The following RPS6KA5 variants were observed in gnomAD, a reference collection of about 807,000 sequenced individuals.
RPS6KA5 encodes the protein ribosomal protein S6 kinase A5.
A neutral mutation model predicts 85.5 loss-of-function variants in RPS6KA5; 27 were observed. The ratio of observed to expected loss-of-function variants is 0.32; its 90% CI spans 0.23 to 0.44. The LOEUF (loss-of-function observed/expected upper bound fraction) is 0.44, where lower values mean the gene tolerates loss of function less well. RPS6KA5 is among the 20% of genes least tolerant of loss of function. RPS6KA5 has a pLI of 1.00. For synonymous variants in RPS6KA5, 334 were observed against 348.2 expected (o/e 0.96, Z 0.46); for missense variants, 811 against 980.9 (o/e 0.83, Z 2.31).
chr14:90,945,878 C>A (rs1286770676), intron 4 of RPS6KA5, among the ~76,000 whole-genome samples: 1 of 152,076 alleles, frequency 6.6e-6, no homozygotes, highest in East Asian at 1.9e-4. Flanking sequence ...TGGCACGTTC[C>A]TGTGGTCCCA....
At position 90,906,139 on chromosome 14, in the gene RPS6KA5, A is replaced by T. The variant is rs2035488421; in HGVS notation, c.957+10T>A. ...GAGTATGAAACCATTTATCTATTCAATAATTTCACCTGAAAGAAGAGATGT... is the reference window on the plus strand; with the variant it reads ...GAGTATGAAACCATTTATCTATTCATTAATTTCACCTGAAAGAAGAGATGT... On this transcript the variant is annotated intron_variant, in intron 8 of 16. Coordinates refer to ENST00000614987, the MANE Select transcript of RPS6KA5 (RefSeq NM_004755.4). 1 of 1,586,586 alleles carries T rather than the reference A, an allele frequency of 6.3e-7. No individual in the cohort carries two copies.
chr14:90,950,055 T>C (rs945728036), intron 3 of RPS6KA5, among the ~76,000 whole-genome samples: 8 of 152,248 alleles, frequency 5.3e-5, no homozygotes, highest in African/African-American at 1.9e-4. Flanking sequence ...ATAGCTGCCT[T>C]GAATCCACGA....
At chr14:90,935,863 C>A (rs928673117) in intron 5 of RPS6KA5, among the ~76,000 whole-genome samples, 4 of 152,182 alleles carry the variant, frequency 2.6e-5, no homozygotes, top group Non-Finnish European at 5.9e-5. Context: ...AATGCATATA[C>A]CATATTTAAG....
chr14:90,936,941 G>C (rs2037290749), intron 5 of RPS6KA5, among the ~76,000 whole-genome samples: 1 of 152,130 alleles, frequency 6.6e-6, no homozygotes, highest in Admixed American at 6.6e-5. Flanking sequence ...AAAGTGTCAA[G>C]TGGAGATAAA....
chr14:90,930,484 G>A (rs1029025229), intron 5 of RPS6KA5, among the ~76,000 whole-genome samples: 6 of 152,230 alleles, frequency 3.9e-5, no homozygotes, highest in Admixed American at 3.3e-4. Context: ...ATCTGGCAAC[G>A]ATTTCTTAGA....
At position 90,978,413 on chromosome 14, in the gene RPS6KA5, T is replaced by C; in HGVS notation, c.287A>G (p.Glu96Gly). 1 of 1,614,114 alleles carries C rather than the reference T, an allele frequency of 6.2e-7. No individual in the cohort carries two copies. The highest frequency in any genetic ancestry group is 8.5e-7 in the Non-Finnish European group (1 of 1,179,968). ...ATIVQKAKTT[E>G]HTRTERQVLE... is the part of the protein sequence containing the mutation. ...GACTTGTCGTTCTGTCCTTGTATGC[T>C]CTGTGGTTTTGGCCTTTTGAACGAT... The change falls in exon 3 of 17, where the codon GAG becomes GGG. Residue 96 changes from glutamate (E) to glycine (G), a missense_variant. By Grantham distance (98) the Glu-to-Gly change is moderately conservative. Around this residue, in one of 3 missense-constraint regions of RPS6KA5, gnomAD observed 48 missense variants for 87.6 expected, o/e 0.55. Coordinates refer to ENST00000614987, the MANE Select transcript of RPS6KA5 (RefSeq NM_004755.4).
intron 5 of RPS6KA5, among the ~76,000 whole-genome samples, chr14:90,935,043 T>C (rs1220906005): frequency 2.0e-5 from 3 of 152,172 alleles, no homozygotes; most frequent in African/African-American, 7.2e-5. Context: ...AGAGACCTAA[T>C]AGATTTTCAG....
At chr14:90,976,799 T>C (rs2039590223) in intron 3 of RPS6KA5, among the ~76,000 whole-genome samples, 1 of 152,178 alleles carries the variant, frequency 6.6e-6, no homozygotes, top group East Asian at 1.9e-4. Flanking sequence ...GAATTGTTAA[T>C]TGATGGTAAG....
intron 3 of RPS6KA5, among the ~76,000 whole-genome samples, chr14:90,964,048 G>C (rs74370953): frequency 0.021 from 3,177 of 152,274 alleles, 45 homozygotes; most frequent in Middle Eastern, 0.041. Flanking sequence ...CCCAATCATG[G>C]CTGTGTCGTA....
At chr14:90,981,341 A>T (rs1165625675) in intron 2 of RPS6KA5, among the ~76,000 whole-genome samples, 2 of 152,102 alleles carry the variant, frequency 1.3e-5, no homozygotes, top group African/African-American at 4.8e-5. Flanking sequence ...CCTTAAACCA[A>T]TCTCAAAGTA....
chr14:91,009,882 G>A (rs117017818), intron 1 of RPS6KA5, among the ~76,000 whole-genome samples: 4 of 152,190 alleles, frequency 2.6e-5, no homozygotes, highest in East Asian at 3.9e-4. Flanking sequence ...GAGTTATGAG[G>A]CAAGAAGAAA....
At chr14:90,947,153 T>G (rs144857342) in intron 4 of RPS6KA5, among the ~76,000 whole-genome samples, 23 of 152,364 alleles carry the variant, frequency 1.5e-4, no homozygotes, top group African/African-American at 5.3e-4. Context: ...AATTAAAAGC[T>G]TTTATTATAA....
Position 90,862,591 on chromosome 14 carries a change from C to T in RPS6KA5, c.*9483G>A, listed in dbSNP as rs1309314281. 6.6e-6 allele frequency: 1 copy of T among 152,146 alleles called. No individual in the cohort carries two copies. Among genetic ancestry groups the T allele is most frequent in the Non-Finnish European group, 1.5e-5 (1 of 68,110 alleles). The allele number at this position is 152,146 out of a possible 1,614,324, so 9.4% of individuals were successfully genotyped here. ...CAAGTGATTCTCCCACCTCAGCCTC[C>T]CAGGTATTTGGTACTACAGGTGTGC... On this transcript the variant is annotated 3_prime_UTR_variant, in exon 17 of 17. Transcript: ENST00000614987.
At position 90,850,120 on chromosome 14, in the gene RPS6KA5, G is replaced by A. The variant is rs1438722313; in HGVS notation, c.*21954C>T. The A allele has an allele frequency of 6.6e-6, 1 of 152,190 alleles. No homozygotes were observed. Among genetic ancestry groups the A allele is most frequent in the African/African-American group, 2.4e-5 (1 of 41,432 alleles). 9.4% of individuals were successfully genotyped at this position (152,190 alleles called of 1,614,324 possible). The stretch of plus-strand genomic sequence containing the variant: ...TTCTAGTCTGGGAAGGGATCTGTGG[G>A]CTTTCTACAAGGGAGCAAACAACCT... On this transcript the variant is annotated 3_prime_UTR_variant, in exon 17 of 17. Transcript: ENST00000614987.
At position 90,860,716 on chromosome 14, in the gene RPS6KA5, T is replaced by C. The variant is rs2032498782; in HGVS notation, c.*11358A>G. ...AAAATAAAGGCAAAAGAAAGAAGGT[T>C]TCAAAAAACAAAAGCTGAGAGAATT... is the stretch of plus-strand genomic sequence containing the variant. On this transcript the variant is annotated 3_prime_UTR_variant, in exon 17 of 17. Coordinates refer to ENST00000614987, the MANE Select transcript of RPS6KA5 (RefSeq NM_004755.4). 1 of 151,732 alleles carries C rather than the reference T, an allele frequency of 6.6e-6. No homozygotes were observed. Among genetic ancestry groups the C allele is most frequent in the Non-Finnish European group, 1.5e-5 (1 of 67,904 alleles). The allele number at this position is 151,732 out of a possible 1,614,324, so 9.4% of individuals were successfully genotyped here. A position where few individuals can be genotyped will look rare whatever the true frequency, so the allele number is the denominator to read the frequency against.
chr14:90,910,714 C>T (rs761497011), intron 7 of RPS6KA5, among the ~76,000 whole-genome samples: 71 of 149,432 alleles, frequency 4.8e-4, no homozygotes, highest in Admixed American at 1.1e-3. Context: ...GAGACAGAGT[C>T]TGGCTCTGTC....
intron 3 of RPS6KA5, among the ~76,000 whole-genome samples, chr14:90,955,588 C>T (rs2038458991): frequency 6.6e-6 from 1 of 152,090 alleles, no homozygotes; most frequent in Admixed American, 6.6e-5. Flanking sequence ...TTTCTTTTCT[C>T]ATTCCATTGT....
chr14:90,975,183 A>G (rs1325215740), intron 3 of RPS6KA5, among the ~76,000 whole-genome samples: 2 of 151,906 alleles, frequency 1.3e-5, no homozygotes, highest in Non-Finnish European at 2.9e-5. Flanking sequence ...AAGAAAACAC[A>G]TATTTAAAAA....
At chr14:90,886,980 A>G (rs1311670768) in intron 14 of RPS6KA5, among the ~76,000 whole-genome samples, 4 of 152,240 alleles carry the variant, frequency 2.6e-5, no homozygotes, top group Non-Finnish European at 5.9e-5. Flanking sequence ...TGTAAAATAC[A>G]AAACTTCCAT....
Sources: allele counts gnomAD v4.1 joint callset (sites outside exome capture counted in the v4.1 genomes callset), GRCh38; gene constraint gnomAD v4.1.1; regional missense constraint gnomAD v4.1.1; transcripts MANE v1.5; gene names NCBI Gene and HGNC (gene_info 2026-07-23, HGNC 2026-07-21).